Variants in DPY19L3 observed in about 807,000 individuals in gnomAD.
DPY19L3 encodes protein C-mannosyl-transferase DPY19L3.
DPY19L3 carries 51 observed loss-of-function variants against 92.3 expected under a neutral mutation model. That is an observed-to-expected ratio of 0.55 (90% confidence interval 0.44 to 0.70). The LOEUF (loss-of-function observed/expected upper bound fraction) is 0.70, where lower values mean the gene tolerates loss of function less well. DPY19L3 is among the 30% of genes least tolerant of loss of function. DPY19L3 has a pLI of 0.00. For synonymous variants in DPY19L3, 309 were observed against 315.2 expected (o/e 0.98, Z 0.21); for missense variants, 706 against 855.9 (o/e 0.82, Z 2.18).
chr19:32,444,494 A>G (rs1392048595), intron 8 of DPY19L3, among the ~76,000 whole-genome samples: 1 of 152,232 alleles, frequency 6.6e-6, no homozygotes, highest in Non-Finnish European at 1.5e-5. Flanking sequence ...CATTCAGGTA[A>G]TCAGAATCCC....
chr19:32,471,630 C>A (rs561196642), intron 16 of DPY19L3, among the ~76,000 whole-genome samples: 1 of 152,296 alleles, frequency 6.6e-6, no homozygotes, highest in South Asian at 2.1e-4. Context: ...AGCCACACCC[C>A]ACATGAGGCA....
chr19:32,426,357 G>T (rs753224432), intron 3 of DPY19L3, among the ~76,000 whole-genome samples: 3 of 152,166 alleles, frequency 2.0e-5, no homozygotes, highest in South Asian at 2.1e-4. Context: ...TCATTGGTGC[G>T]TTCACTGGAG....
chr19:32,477,169 GC>G, intron 16 of DPY19L3, among the ~76,000 whole-genome samples: 1 of 152,134 alleles, frequency 6.6e-6, no homozygotes. Context: ...TACACTGCCT[GC>G]CTTCTAAGAC....
intron 18 of DPY19L3, 49 bp downstream of exon 18, chr19:32,480,606 C>T (rs548125204): frequency 9.0e-6 from 14 of 1,561,186 alleles, no homozygotes; most frequent in Middle Eastern, 3.5e-4. Context: ...AGGGGCGGGA[C>T]TCTGATTTGA....
chr19:32,410,488 T>C (rs1431907577), intron 2 of DPY19L3, among the ~76,000 whole-genome samples: 1 of 152,192 alleles, frequency 6.6e-6, no homozygotes, highest in African/African-American at 2.4e-5. Flanking sequence ...AAAAAAGTTT[T>C]AGGTAATCGG....
chr19:32,468,524 G>T, intron 15 of DPY19L3: 1 of 1,220,674 alleles, frequency 8.2e-7, no homozygotes, highest in East Asian at 3.4e-5. Flanking sequence ...ATTAGTTTCA[G>T]CTGAAGATAA....
rs769589644 is a variant in DPY19L3 at position 32,432,817 on chromosome 19, C to T, written c.328+11C>T. 2.5e-6 allele frequency: 4 copies of T among 1,611,942 alleles called. No homozygotes were observed. Among genetic ancestry groups the T allele is most frequent in the South Asian group, 1.1e-5 (1 of 90,972 alleles). Reference sequence around the variant, plus strand: ...CAACCCTCGTGCAAGGTAATTACAACTGATAGTTTCATTTGGGGTCTCCTG... The same window carrying T: ...CAACCCTCGTGCAAGGTAATTACAATTGATAGTTTCATTTGGGGTCTCCTG... On this transcript the variant is annotated intron_variant, in intron 4 of 18. Transcript: ENST00000392250.
intron 4 of DPY19L3, 150 bp downstream of exon 4, chr19:32,432,956 T>C: frequency 1.6e-6 from 1 of 641,696 alleles, no homozygotes; most frequent in Non-Finnish European, 2.6e-6. Context: ...AAAATGTTTT[T>C]TGCTCTGGAA....
intron 15 of DPY19L3, chr19:32,468,065 C>T (rs1970249381): frequency 2.0e-6 from 2 of 985,162 alleles, no homozygotes; most frequent in Non-Finnish European, 2.4e-6. Flanking sequence ...TACAAAAATA[C>T]AATCATGCTA....
At chr19:32,466,667 A>T (rs1970211438) in intron 15 of DPY19L3, among the ~76,000 whole-genome samples, 1 of 152,244 alleles carries the variant, frequency 6.6e-6, no homozygotes. Context: ...AGAAGCCATC[A>T]TCTCCAGGAA....
intron 10 of DPY19L3, among the ~76,000 whole-genome samples, chr19:32,455,311 C>T (rs963734738): frequency 2.0e-5 from 3 of 152,050 alleles, no homozygotes; most frequent in Non-Finnish European, 2.9e-5. Flanking sequence ...AGTGTATTAA[C>T]GTGACTCAAG....
chr19:32,470,660 AAAG>A (rs1286478670), intron 16 of DPY19L3, among the ~76,000 whole-genome samples: 1 of 152,194 alleles, frequency 6.6e-6, no homozygotes, highest in Non-Finnish European at 1.5e-5. Flanking sequence ...TTCCAGGTGT[AAAG>A]AAGAGAATAC....
chr19:32,415,282 T>C lies in DPY19L3; in HGVS notation c.237+3910T>C, dbSNP rs544290624. Among the ~76,000 whole-genome samples the C allele has an allele frequency of 4.6e-4, 70 of 152,292 alleles. 1 individual carries two copies. The highest frequency in any genetic ancestry group is 1.5e-3 in the African/African-American group (63 of 41,564). On this transcript the variant is annotated intron_variant, in intron 3 of 18. Coordinates refer to ENST00000392250, the MANE Select transcript of DPY19L3 (RefSeq NM_001172774.2). ...CTCATTTTGGAAGATCAGGGAGGCTTTTCTAGAGGAAATGATGGTTAAGTA... is the reference window on the plus strand; with the variant it reads ...CTCATTTTGGAAGATCAGGGAGGCTCTTCTAGAGGAAATGATGGTTAAGTA...
chr19:32,427,706 T>G (rs923475536), intron 3 of DPY19L3, among the ~76,000 whole-genome samples: 1 of 152,144 alleles, frequency 6.6e-6, no homozygotes, highest in Admixed American at 6.6e-5. Flanking sequence ...TAATCAACTC[T>G]GGGGCAAGAA....
intron 2 of DPY19L3, among the ~76,000 whole-genome samples, chr19:32,409,273 G>A (rs1968094118): frequency 6.6e-6 from 1 of 152,218 alleles, no homozygotes; most frequent in African/African-American, 2.4e-5. Context: ...ATACCCATAA[G>A]CATTCGTATA....
chr19:32,459,080 C>T (rs1469645771), intron 12 of DPY19L3, among the ~76,000 whole-genome samples: 2 of 152,076 alleles, frequency 1.3e-5, no homozygotes, highest in East Asian at 1.9e-4. Flanking sequence ...CTTCAGGGCT[C>T]ATAATGTTGG....
chr19:32,453,382 T>C, intron 9 of DPY19L3, 106 bp downstream of exon 9: 2 of 1,222,196 alleles, frequency 1.6e-6, no homozygotes, highest in Non-Finnish European at 2.2e-6. Context: ...ACAACCTGAT[T>C]TGCACTAAAA....
At chr19:32,451,496 C>T (rs1247488878) in intron 8 of DPY19L3, among the ~76,000 whole-genome samples, 12 of 152,198 alleles carry the variant, frequency 7.9e-5, no homozygotes, top group Admixed American at 7.2e-4. Context: ...CACTGAACTG[C>T]TGCAAGCCTC....
chr19:32,438,541 C>T (rs1009130674), intron 6 of DPY19L3, among the ~76,000 whole-genome samples: 5 of 151,462 alleles, frequency 3.3e-5, no homozygotes, highest in African/African-American at 1.2e-4. Context: ...ATATAGGTAC[C>T]TTGTTTGAGA....
Sources: allele counts gnomAD v4.1 joint callset (sites outside exome capture counted in the v4.1 genomes callset), GRCh38; gene constraint gnomAD v4.1.1; transcripts MANE v1.5; gene names NCBI Gene and HGNC (gene_info 2026-07-23, HGNC 2026-07-21).